MCM3AP: variants seen among roughly 807,000 people sequenced by gnomAD.
The protein encoded by MCM3AP is germinal-center associated nuclear protein.
In MCM3AP, 126 loss-of-function variants were observed where a neutral mutation model predicts 184.1. The ratio of observed to expected loss-of-function variants is 0.68; its 90% confidence interval spans 0.59 to 0.79. MCM3AP has a LOEUF of 0.79. MCM3AP is among the 30% of genes least tolerant of loss of function. The probability of loss-of-function intolerance (pLI) is 0.00; values close to 1 mark genes in which losing one functional copy is unlikely to be tolerated. For synonymous variants in MCM3AP, 1,002 were observed against 979.3 expected (o/e 1.02, Z -0.43); for missense variants, 2,496 against 2,479.2 (o/e 1.01, Z -0.14).
chr21:46,284,759 A>G lies in MCM3AP; in HGVS notation c.528T>C (p.Phe176=). Residue 176 remains phenylalanine (F), a synonymous_variant, in exon 1 of 28, where the codon TTT becomes TTC. Coordinates refer to ENST00000291688, the MANE Select transcript of MCM3AP (RefSeq NM_003906.5). ...CACTACTAATTGGGTGGGAAAATGT[A>G]AAAAACCCAGAAGCAATTTGGCTCT... The part of the protein sequence containing the change: ...KTQSQIASGF[F]TFSHPISSAP... 6.2e-7 allele frequency: 1 copy of G among 1,613,806 alleles called. No individual in the cohort carries two copies. The highest frequency in any genetic ancestry group is 8.5e-7 in the Non-Finnish European group (1 of 1,179,968).
chr21:46,257,104 A>C, intron 16 of MCM3AP, 118 bp from the exon 17 acceptor site: 1 of 1,376,024 alleles, frequency 7.3e-7, no homozygotes, highest in Non-Finnish European at 9.8e-7. Context: ...GTGGTGAGCA[A>C]TGAAACTACC....
Position 46,280,134 on chromosome 21 carries a change from G to C in MCM3AP, c.1526C>G (p.Pro509Arg). Residue 509 changes from proline (P) to arginine (R), a missense_variant, in exon 4 of 28, where the codon CCC (proline) becomes CGC (arginine). By Grantham distance (103) the Pro-to-Arg change is moderately radical. Around this residue, in one of 5 missense-constraint regions of MCM3AP, gnomAD observed 800 missense variants for 717.1 expected, o/e 1.12. Coordinates refer to ENST00000291688, the MANE Select transcript of MCM3AP (RefSeq NM_003906.5). ...AIFWHRKKIS[P>R]NKKPFSLKEK... ...CTTCAGGGAAAAGGGTTTCTTATTG[G>C]GGCCTGTGGACATAGGAGGCAGAAA... The C allele has an allele frequency of 1.2e-6, 2 of 1,614,056 alleles. No individual in the cohort carries two copies. Among genetic ancestry groups the C allele is most frequent in the South Asian group, 2.2e-5 (2 of 91,068 alleles).
intron 15 of MCM3AP, 33 bp from the exon 16 acceptor site, chr21:46,259,124 GC>G (rs772172598): frequency 7.0e-6 from 11 of 1,581,512 alleles, no homozygotes; most frequent in Non-Finnish European, 9.4e-6. Flanking sequence ...GGAAGACACT[GC>G]ACTTGGGGCC....
chr21:46,283,214 C>G (rs747160823), intron 2 of MCM3AP, among the ~76,000 whole-genome samples: 37 of 152,188 alleles, frequency 2.4e-4, no homozygotes, highest in Non-Finnish European at 4.3e-4. Context: ...CGTAAGCCAC[C>G]ACGCCCGGCC....
chr21:46,267,390 T>C (rs773743891), intron 9 of MCM3AP: 2 of 473,966 alleles, frequency 4.2e-6, no homozygotes, highest in Admixed American at 7.3e-5. Flanking sequence ...GAAGGTTTTA[T>C]TCATAAGAGA....
chr21:46,276,661 G>C lies in MCM3AP; in HGVS notation c.1858+866C>G, dbSNP rs189541091. On this transcript the variant is annotated intron_variant, in intron 5 of 27. Transcript: ENST00000291688. Reference sequence around the variant, plus strand: ...TTTCCATGTTGGTCAGGCTGGTCTCGAACTCCTGACCTCAGGTGATCCACC... The same window carrying C: ...TTTCCATGTTGGTCAGGCTGGTCTCCAACTCCTGACCTCAGGTGATCCACC... 1.4e-3 allele frequency among the ~76,000 whole-genome samples: 208 copies of C among 151,320 alleles called. 1 individual carries two copies. Among genetic ancestry groups the C allele is most frequent in the Non-Finnish European group, 2.2e-3 (152 of 67,906 alleles).
chr21:46,246,356 G>C lies in MCM3AP; in HGVS notation c.4598C>G (p.Thr1533Ser), dbSNP rs752006940. 1.2e-6 allele frequency: 2 copies of C among 1,613,168 alleles called. No homozygotes were observed. The highest frequency in any genetic ancestry group is 1.6e-4 in the Middle Eastern group (1 of 6,062). ...LVSAKLISDY[T>S]VTEIPDTIND... ...AATGGTATCAGGGATCTCGGTAACA[G>C]TGTAATCTGAAATCAGCTTAGCTGA... Residue 1533 changes from threonine to serine, a missense_variant, in exon 22 of 28, where the codon ACT (threonine) becomes AGT (serine). Around this residue, in one of 5 missense-constraint regions of MCM3AP, gnomAD observed 1,323 missense variants for 1,273.4 expected, o/e 1.04. Coordinates refer to ENST00000291688, the MANE Select transcript of MCM3AP (RefSeq NM_003906.5).
At chr21:46,252,821 G>C (rs1201685810) in intron 19 of MCM3AP, 2 of 151,922 alleles carry the variant, frequency 1.3e-5, no homozygotes, top group Admixed American at 6.6e-5. Context: ...TATGGTATGT[G>C]AATAACATTT....
intron 24 of MCM3AP, among the ~76,000 whole-genome samples, chr21:46,243,159 C>G (rs997493955): frequency 6.6e-6 from 1 of 152,092 alleles, no homozygotes; most frequent in African/African-American, 2.4e-5. Context: ...CCATGCATCA[C>G]TCAAAGTCCA....
chr21:46,256,649 C>T (rs1346552446), intron 17 of MCM3AP, 140 bp downstream of exon 17: 2 of 1,052,486 alleles, frequency 1.9e-6, no homozygotes, highest in African/African-American at 1.6e-5. Context: ...CTGTGCCTGT[C>T]CTCGCCTCCA....
At chr21:46,259,634 C>T (rs2081013998) in intron 15 of MCM3AP, among the ~76,000 whole-genome samples, 1 of 151,806 alleles carries the variant, frequency 6.6e-6, no homozygotes, top group African/African-American at 2.4e-5. Flanking sequence ...AGCTGGCGGC[C>T]AGGCACGGTG....
At chr21:46,269,070 G>T (rs2081147946) in intron 9 of MCM3AP, among the ~76,000 whole-genome samples, 1 of 152,090 alleles carries the variant, frequency 6.6e-6, no homozygotes, top group Non-Finnish European at 1.5e-5. Flanking sequence ...TATTAAAAAT[G>T]GTCAACATTC....
upstream of MCM3AP, chr21:46,286,081 G>T (rs970056498): frequency 6.6e-6 from 1 of 152,350 alleles, no homozygotes; most frequent in Non-Finnish European, 1.5e-5. Context: ...CGATGTGGAG[G>T]CCCGGGCGCG....
chr21:46,266,910 T>C, intron 10 of MCM3AP, 72 bp downstream of exon 10: 8 of 1,538,546 alleles, frequency 5.2e-6, no homozygotes, highest in Non-Finnish European at 6.2e-6. Flanking sequence ...CAGCCAGCCC[T>C]TCACAGCCCT....
intron 4 of MCM3AP, among the ~76,000 whole-genome samples, chr21:46,279,480 G>A (rs770164970): frequency 4.8e-4 from 73 of 152,270 alleles, no homozygotes; most frequent in Admixed American, 5.2e-4. Flanking sequence ...GCCAGCCTGC[G>A]TGTGTCCCAC....
At chr21:46,252,700 T>C (rs1676786514) in intron 19 of MCM3AP, 1 of 151,580 alleles carries the variant, frequency 6.6e-6, no homozygotes, top group Non-Finnish European at 1.5e-5. Context: ...AAAAAAAGAA[T>C]ACAGGCTTTC....
rs2123845222 is a variant in MCM3AP at position 46,249,692 on chromosome 21, C to T, written c.4290+1837G>A. 4 of 417,200 alleles carry T rather than the reference C, an allele frequency of 9.6e-6. 1 individual carries two copies. The Middle Eastern group carries it at 1.1e-3, about 110-fold the overall frequency. 25.8% of individuals were successfully genotyped at this position (417,200 alleles called of 1,614,324 possible). On this transcript the variant is annotated intron_variant, in intron 20 of 27. Coordinates refer to ENST00000291688, the MANE Select transcript of MCM3AP (RefSeq NM_003906.5). ...CAAGGGGCTGAACCAAGAAAAAATA[C>T]TGCAGCTGCTGCTAATGGCAACACT...
chr21:46,247,481 A>ATTCAAGCAATTCTGCCTCACCCTCCC (rs6147543), intron 20 of MCM3AP, among the ~76,000 whole-genome samples: 1 of 149,614 alleles, frequency 6.7e-6, no homozygotes, highest in African/African-American at 2.5e-5. Flanking sequence ...TGCCTCCTGG[A>ATTCAAGCAATTCTGCCTCACCCTCCC]TAGTAGCTGG....
At position 46,244,952 on chromosome 21, in the gene MCM3AP, C is replaced by A. The variant is rs1369557669; in HGVS notation, c.4893G>T (p.Leu1631=). Reference sequence around the variant, plus strand: ...CAGCAAACTCAGTGACAGGCCAGGACAGGTCACACAGCTGTTCAGAGGACA... The same window carrying A: ...CAGCAAACTCAGTGACAGGCCAGGAAAGGTCACACAGCTGTTCAGAGGACA... ...SVVSSEQLCD[L]SWPVTEFAEA... is the part of the protein sequence containing the mutation. Residue 1631 remains leucine, a synonymous_variant, in exon 23 of 28, where the codon CTG becomes CTT. Coordinates refer to ENST00000291688, the MANE Select transcript of MCM3AP (RefSeq NM_003906.5). 2 of 1,614,090 alleles carry A rather than the reference C, an allele frequency of 1.2e-6. No homozygotes were observed. Among genetic ancestry groups the A allele is most frequent in the Middle Eastern group, 1.6e-4 (1 of 6,084 alleles).
Sources: gnomAD v4.1 joint callset for allele counts (sites outside exome capture counted in the v4.1 genomes callset) on GRCh38, gnomAD v4.1.1 for gene constraint, gnomAD v4.1.1 regional missense constraint, MANE v1.5 for transcripts, NCBI Gene and HGNC (gene_info 2026-07-23, HGNC 2026-07-21) for gene names.